PLXNA2: variants seen among roughly 807,000 people sequenced by gnomAD.
PLXNA2 encodes the protein plexin A2.
PLXNA2 carries 91 observed loss-of-function variants against 193.5 expected under a neutral mutation model. The ratio of observed to expected loss-of-function variants is 0.47; its 90% CI spans 0.40 to 0.56. PLXNA2 has a LOEUF of 0.56. PLXNA2 is among the 20% of genes least tolerant of loss of function. The pLI, the probability that PLXNA2 is intolerant of heterozygous loss-of-function variation, is 0.00. For missense variants in PLXNA2, 1,995 were observed against 2,503.2 expected, an observed-to-expected ratio of 0.80 and a Z score of 4.33; for synonymous variants, 997 against 1,027.3, an observed-to-expected ratio of 0.97 and a Z score of 0.56.
At chr1:208,035,731 T>C (rs1312984617) in intron 26 of PLXNA2, among the ~76,000 whole-genome samples, 1 of 152,194 alleles carries the variant, frequency 6.6e-6, no homozygotes, top group African/African-American at 2.4e-5. Flanking sequence ...ACTTTATAAG[T>C]TTGATTTATA....
At chr1:208,180,105 G>A (rs977520338) in intron 3 of PLXNA2, among the ~76,000 whole-genome samples, 5 of 151,826 alleles carry the variant, frequency 3.3e-5, no homozygotes, top group African/African-American at 9.7e-5. Context: ...TTGTGAACAT[G>A]TGCTTGGGTT....
Position 208,038,365 on chromosome 1 carries a change from T to C in PLXNA2, c.4764+6A>G. 6.3e-7 allele frequency: 1 copy of C among 1,590,938 alleles called. No individual in the cohort carries two copies. Among genetic ancestry groups the C allele is most frequent in the Non-Finnish European group, 8.6e-7 (1 of 1,158,760 alleles). ...GCTGAAGAGGGGAAAAGACACCCCC[T>C]CTCACCTGATAATGCATCAGTGTGT... On this transcript the variant is annotated splice_donor_region_variant and intron_variant, in intron 26 of 31. Transcript: ENST00000367033. This position sits in a 1 kb window ranked among gnomAD's most constrained non-coding sequence, Gnocchi z 4.1.
chr1:208,037,204 G>A (rs1664696331), intron 26 of PLXNA2, among the ~76,000 whole-genome samples: 1 of 152,200 alleles, frequency 6.6e-6, no homozygotes, highest in Non-Finnish European at 1.5e-5. Context: ...CCACCAAGGA[G>A]TGGGGAAGCA....
Position 208,217,529 on chromosome 1 carries a change from G to T in PLXNA2, c.394C>A (p.Leu132Ile), listed in dbSNP as rs1437568749. Residue 132 changes from leucine to isoleucine, a missense_variant, in exon 2 of 32, where the codon CTC becomes ATC. By Grantham distance (5) the Leu-to-Ile change is conservative. This residue lies in a region of PLXNA2 where 702 missense variants were observed against 812.9 expected (regional missense o/e 0.86). Coordinates refer to ENST00000367033, the MANE Select transcript of PLXNA2 (RefSeq NM_025179.4). The surrounding 1 kb of genome is among the most constrained non-coding windows in gnomAD (Gnocchi z 4.7). ...AGCAGCTTGCAGACCCCCTGGTAGA[G>T]GCTCCCACAGGCCAGCAGGCGGTTC... ...SENRLLACGS[L>I]YQGVCKLLRL... 6.2e-7 allele frequency: 1 copy of T among 1,614,212 alleles called. No homozygotes were observed. The highest frequency in any genetic ancestry group is 1.1e-5 in the South Asian group (1 of 91,084).
At chr1:208,063,467 A>C (rs1184820153) in intron 12 of PLXNA2, among the ~76,000 whole-genome samples, 1 of 152,174 alleles carries the variant, frequency 6.6e-6, no homozygotes, top group Non-Finnish European at 1.5e-5. Flanking sequence ...TTTTTGGGTA[A>C]ATTATTGGCA....
At chr1:208,195,489 C>T (rs1315155528) in intron 3 of PLXNA2, among the ~76,000 whole-genome samples, 1 of 152,180 alleles carries the variant, frequency 6.6e-6, no homozygotes, top group Admixed American at 6.5e-5. Flanking sequence ...ACCTCCATGG[C>T]CTTGGCTGCA....
chr1:208,188,281 T>A (rs139720176), intron 3 of PLXNA2, among the ~76,000 whole-genome samples: 1 of 152,028 alleles, frequency 6.6e-6, no homozygotes. Flanking sequence ...TGCTTTAGGG[T>A]AGGATAGAAG....
Position 208,079,262 on chromosome 1 carries a change from C to T in PLXNA2, c.2584G>A (p.Glu862Lys), listed in dbSNP as rs779666190. 8.1e-6 allele frequency: 13 copies of T among 1,601,736 alleles called. No homozygotes were observed. The highest frequency in any genetic ancestry group is 5.4e-5 in the African/African-American group (4 of 74,704). The change falls in exon 12 of 32, where the codon GAG becomes AAG. Residue 862 changes from glutamate to lysine, a missense_variant and splice_region_variant. By Grantham distance (56) the Glu-to-Lys change is moderately conservative (BLOSUM62 1). Around this residue, in one of 3 missense-constraint regions of PLXNA2, gnomAD observed 1,291 missense variants for 1,673.6 expected, o/e 0.77. Transcript: ENST00000367033. ...CTCTAGAGACTTGCAGGACTTACCT[C>T]GGTGATTTGAGGGTTGGAGCACTTG... ...NVKCSNPQIT[E>K]ILTVSGPPEG...
chr1:208,174,118 C>G (rs2102535374), intron 3 of PLXNA2, among the ~76,000 whole-genome samples: 2 of 152,370 alleles, frequency 1.3e-5, no homozygotes, highest in Middle Eastern at 6.8e-3. Context: ...GGTAGAATCT[C>G]TGAGTCATGA....
chr1:208,116,376 C>T (rs371561353), intron 4 of PLXNA2, among the ~76,000 whole-genome samples: 6 of 152,146 alleles, frequency 3.9e-5, no homozygotes, highest in South Asian at 2.1e-4. Flanking sequence ...GTTTCTTGTA[C>T]GAAATAGGTC....
At chr1:208,108,656 C>T (rs971922046) in intron 4 of PLXNA2, among the ~76,000 whole-genome samples, 1 of 152,194 alleles carries the variant, frequency 6.6e-6, no homozygotes, top group African/African-American at 2.4e-5. Flanking sequence ...CCCATTTAGT[C>T]CTTAAACATC....
At chr1:208,138,802 G>A (rs1668378969) in intron 4 of PLXNA2, among the ~76,000 whole-genome samples, 1 of 152,224 alleles carries the variant, frequency 6.6e-6, no homozygotes, top group Admixed American at 6.5e-5. Context: ...CAAGGCAGGT[G>A]GATCACTTGA....
chr1:208,217,630 A>T lies in PLXNA2; in HGVS notation c.293T>A (p.Leu98His). The change falls in exon 2 of 32, where the codon CTC (leucine) becomes CAC (histidine). Residue 98 changes from leucine to histidine, a missense_variant. By Grantham distance (99) the Leu-to-His change is moderately conservative. Transcript: ENST00000367033. This position sits in a 1 kb window ranked among gnomAD's most constrained non-coding sequence, Gnocchi z 4.7. ...CACTTCGCTGCAGGGCTGCACGATGAGGGGCGGGTAACAAGACTTGTTGTC... is the reference window on the plus strand; with the variant it reads ...CACTTCGCTGCAGGGCTGCACGATGTGGGGCGGGTAACAAGACTTGTTGTC... ...EEDNKSCYPP[L>H]IVQPCSEVLT... 1 of 1,614,066 alleles carries T rather than the reference A, an allele frequency of 6.2e-7. No homozygotes were observed.
At chr1:208,079,752 C>T (rs914205106) in intron 11 of PLXNA2, among the ~76,000 whole-genome samples, 3 of 151,988 alleles carry the variant, frequency 2.0e-5, no homozygotes, top group Admixed American at 2.0e-4. Context: ...CCTCCTTGAA[C>T]CTCACTTACC....
rs559544513 is a variant in PLXNA2, at chr1:208,234,315, C to T, written c.-81+9328G>A. Among the ~76,000 whole-genome samples, 43 of 152,288 alleles carry T rather than the reference C, an allele frequency of 2.8e-4. 1 individual carries two copies. Among genetic ancestry groups the T allele is most frequent in the African/African-American group, 1.0e-3 (42 of 41,554 alleles). On this transcript the variant is annotated intron_variant, in intron 1 of 31. Transcript: ENST00000367033. ...CATTTCCCAAGTATTCTACACCAAA[C>T]ACCTATTTATTCTGCAGTTCAAACT...
At chr1:208,107,872 C>T (rs555521503) in intron 4 of PLXNA2, among the ~76,000 whole-genome samples, 2 of 152,204 alleles carry the variant, frequency 1.3e-5, no homozygotes, top group East Asian at 1.9e-4. Context: ...CTCCCCAGGA[C>T]CCGCAGTGCT....
chr1:208,220,277 T>C lies in PLXNA2; in HGVS notation c.-80-2275A>G, dbSNP rs146880708. Among the ~76,000 whole-genome samples, 390 of 152,288 alleles carry C rather than the reference T, an allele frequency of 2.6e-3. 5 individuals carry two copies. Among genetic ancestry groups the C allele is most frequent in the African/African-American group, 8.2e-3 (342 of 41,566 alleles). On this transcript the variant is annotated intron_variant, in intron 1 of 31. Transcript: ENST00000367033. Reference sequence around the variant, plus strand: ...AGAATCTGGGAACAAATTTGGGATTTGAGGCAAGTCAAGTCTCATGTCCCT... The same window carrying C: ...AGAATCTGGGAACAAATTTGGGATTCGAGGCAAGTCAAGTCTCATGTCCCT...
At chr1:208,037,541 T>G (rs72739446) in intron 26 of PLXNA2, among the ~76,000 whole-genome samples, 3,997 of 152,278 alleles carry the variant, frequency 0.026, 138 homozygotes, top group East Asian at 0.1. Flanking sequence ...CCTGAGGCGC[T>G]TCCTCTAGTT....
rs374249202 is a variant in PLXNA2, at chr1:208,050,345, C to T, written c.3255+664G>A. Among the ~76,000 whole-genome samples, 13 of 152,348 alleles carry T rather than the reference C, an allele frequency of 8.5e-5. 1 individual carries two copies. The South Asian group carries it at 2.7e-3, about 32-fold the overall frequency. On this transcript the variant is annotated intron_variant, in intron 17 of 31. Coordinates refer to ENST00000367033, the MANE Select transcript of PLXNA2 (RefSeq NM_025179.4). Reference sequence around the variant, plus strand: ...GCTAATAGATGGCAGAACCCTGCTTCCTCTCCAGACATGTCTGAATCTGGA... The same window carrying T: ...GCTAATAGATGGCAGAACCCTGCTTTCTCTCCAGACATGTCTGAATCTGGA...
Sources: allele counts gnomAD v4.1 joint callset (sites outside exome capture counted in the v4.1 genomes callset), GRCh38; gene constraint gnomAD v4.1.1; regional missense constraint gnomAD v4.1.1; non-coding constraint Gnocchi (gnomAD v3.1); transcripts MANE v1.5; gene names NCBI Gene and HGNC (gene_info 2026-07-23, HGNC 2026-07-21).